Variants in TBC1D22A observed in about 807,000 individuals in gnomAD.
TBC1D22A encodes TBC1 domain family member 22A, also known as putative GTPase activator.
In TBC1D22A, 38 loss-of-function variants were observed where a neutral mutation model predicts 60.2. That is an observed-to-expected ratio of 0.63 (90% CI 0.49 to 0.83). The LOEUF (loss-of-function observed/expected upper bound fraction) is 0.83, where lower values mean the gene tolerates loss of function less well. Among genes scored for constraint, TBC1D22A ranks in the 40% least tolerant of loss-of-function variants. The pLI, the probability that TBC1D22A is intolerant of heterozygous loss-of-function variation, is 0.00. For synonymous variants in TBC1D22A, 302 were observed against 281.7 expected, an observed-to-expected ratio of 1.07 and a Z score of -0.72; for missense variants, 628 against 701.0, an observed-to-expected ratio of 0.90 and a Z score of 1.18.
intron 4 of TBC1D22A, among the ~76,000 whole-genome samples, chr22:46,811,447 T>C (rs967992431): frequency 3.3e-5 from 5 of 152,114 alleles, no homozygotes; most frequent in African/African-American, 1.2e-4. Context: ...GTCTCATGGG[T>C]GTGATTTCCA....
At chr22:46,810,829 A>G (rs2085348351) in intron 4 of TBC1D22A, among the ~76,000 whole-genome samples, 1 of 152,158 alleles carries the variant, frequency 6.6e-6, no homozygotes, top group Admixed American at 6.5e-5. Flanking sequence ...CCCCATGGTG[A>G]TACACTCTTC....
At chr22:47,159,297 C>CATGTATACAT (rs1569477875) in intron 12 of TBC1D22A, among the ~76,000 whole-genome samples, 2 of 131,074 alleles carry the variant, frequency 1.5e-5, no homozygotes, top group African/African-American at 6.5e-5. Flanking sequence ...CTACACACCC[C>CATGTATACAT]ACACACACCA....
chr22:46,857,382 G>C (rs2087623782), intron 4 of TBC1D22A, among the ~76,000 whole-genome samples: 1 of 152,232 alleles, frequency 6.6e-6, no homozygotes, highest in African/African-American at 2.4e-5. Flanking sequence ...CATCATCGCT[G>C]TAGTCCCGCA....
At chr22:46,915,461 C>T (rs370941231) in intron 8 of TBC1D22A, 8 of 456,552 alleles carry the variant, frequency 1.8e-5, no homozygotes, top group Admixed American at 7.0e-5. Context: ...TGGGCCTCAG[C>T]GTTCAGGTTA....
rs535079669 is a variant in TBC1D22A at position 46,777,367 on chromosome 22, G to A, written c.62+14519G>A. Among the ~76,000 whole-genome samples, 213 of 152,282 alleles carry A rather than the reference G, an allele frequency of 1.4e-3. No individual in the cohort carries two copies. The highest frequency in any genetic ancestry group is 2.5e-3 in the South Asian group (12 of 4,820). On this transcript the variant is annotated intron_variant, in intron 1 of 12. Transcript: ENST00000337137. The surrounding 1 kb of genome is among the most constrained non-coding windows in gnomAD (Gnocchi z 4.5). ...ACTGGTAGAGAGTGATGTTGTCCAAGGGTGGGGACCGAAGAGTGGGTGTGA... is the reference window on the plus strand; with the variant it reads ...ACTGGTAGAGAGTGATGTTGTCCAAAGGTGGGGACCGAAGAGTGGGTGTGA...
chr22:46,860,599 G>A (rs546245668), intron 4 of TBC1D22A, among the ~76,000 whole-genome samples: 140 of 147,592 alleles, frequency 9.5e-4, no homozygotes, highest in African/African-American at 3.4e-3. Context: ...CCCGGGACCA[G>A]AATCCTTTTT....
At chr22:47,054,367 C>T (rs1024257992) in intron 11 of TBC1D22A, among the ~76,000 whole-genome samples, 3 of 152,146 alleles carry the variant, frequency 2.0e-5, no homozygotes, top group Non-Finnish European at 4.4e-5. Context: ...TCTTCTGCCT[C>T]GAGGCACCAC....
chr22:46,883,826 C>T (rs779744747), intron 5 of TBC1D22A, among the ~76,000 whole-genome samples: 4 of 152,226 alleles, frequency 2.6e-5, no homozygotes, highest in Admixed American at 2.0e-4. Flanking sequence ...CTAGCCAACC[C>T]GGACACATTT....
At chr22:47,102,815 G>A (rs2065469671) in intron 11 of TBC1D22A, among the ~76,000 whole-genome samples, 1 of 152,150 alleles carries the variant, frequency 6.6e-6, no homozygotes, top group South Asian at 2.1e-4. Context: ...TAAATAAAAG[G>A]CTGTTAAGCA....
At chr22:46,904,034 G>C (rs992819940) in intron 7 of TBC1D22A, among the ~76,000 whole-genome samples, 2 of 151,720 alleles carry the variant, frequency 1.3e-5, no homozygotes, top group Non-Finnish European at 2.9e-5. Context: ...AAAATGATAT[G>C]AAATCTGTCA....
chr22:46,962,168 C>T (rs936141199), intron 8 of TBC1D22A, among the ~76,000 whole-genome samples: 4 of 152,150 alleles, frequency 2.6e-5, no homozygotes, highest in South Asian at 2.1e-4. Context: ...GATCGGTGCT[C>T]GCCACCTCAC....
intron 5 of TBC1D22A, among the ~76,000 whole-genome samples, chr22:46,890,020 C>T (rs1325243619): frequency 6.6e-6 from 1 of 152,184 alleles, no homozygotes; most frequent in African/African-American, 2.4e-5. Flanking sequence ...GGTTTTGCAT[C>T]TGCAGATTCA....
At chr22:46,809,292 G>A (rs1465614639) in intron 4 of TBC1D22A, among the ~76,000 whole-genome samples, 10 of 152,044 alleles carry the variant, frequency 6.6e-5, no homozygotes, top group Non-Finnish European at 1.5e-4. Context: ...GGTGGAGAGC[G>A]AGCGTGCACA....
chr22:47,100,817 G>C (rs1297252056), intron 11 of TBC1D22A, among the ~76,000 whole-genome samples: 1 of 152,166 alleles, frequency 6.6e-6, no homozygotes, highest in Non-Finnish European at 1.5e-5. Flanking sequence ...AAGGGGTGAG[G>C]TGGGCCCCTC....
chr22:46,958,443 C>T (rs1286622117), intron 8 of TBC1D22A, among the ~76,000 whole-genome samples: 10 of 152,140 alleles, frequency 6.6e-5, no homozygotes, highest in Non-Finnish European at 1.3e-4. Context: ...ACAGGGGGCT[C>T]GGCATATGCA....
At chr22:46,904,138 T>TCTGCCTACCTACCTACCTACCTACCTAC (rs1481229542) in intron 7 of TBC1D22A, among the ~76,000 whole-genome samples, 1 of 55,262 alleles carries the variant, frequency 1.8e-5, no homozygotes, top group African/African-American at 6.7e-5. Context: ...TATCTATCTA[T>TCTGCCTACCTACCTACCTACCTACCTAC]CTATCTACCT....
chr22:46,938,322 G>A (rs946263746), intron 8 of TBC1D22A, among the ~76,000 whole-genome samples: 4 of 152,140 alleles, frequency 2.6e-5, no homozygotes, highest in African/African-American at 7.2e-5. Flanking sequence ...ACAGTAACAC[G>A]CTGCACAGGT....
At chr22:46,762,995 G>A in intron 1 of TBC1D22A, 147 bp downstream of exon 1, 5 of 691,498 alleles carry the variant, frequency 7.2e-6, no homozygotes, top group Non-Finnish European at 1.1e-5. Flanking sequence ...CGGGCGTTGG[G>A]GGGCTCGGAG....
rs1039809712 is a variant in TBC1D22A at position 46,990,111 on chromosome 22, G to A, written c.1126-7523G>A. ...GCGCCACCGCGCCCGGCCGCAAAAT[G>A]TAAGTTTTATTTAAAATGAACTCTT... On this transcript the variant is annotated intron_variant, in intron 9 of 12. Coordinates refer to ENST00000337137, the MANE Select transcript of TBC1D22A (RefSeq NM_014346.5). The surrounding 1 kb of genome is among the most constrained non-coding windows in gnomAD (Gnocchi z 4.6). Among the ~76,000 whole-genome samples the A allele has an allele frequency of 1.3e-5, 2 of 152,210 alleles. No individual in the cohort carries two copies. Among genetic ancestry groups the A allele is most frequent in the African/African-American group, 2.4e-5 (1 of 41,454 alleles).
Sources: allele counts gnomAD v4.1 joint callset (sites outside exome capture counted in the v4.1 genomes callset), GRCh38; gene constraint gnomAD v4.1.1; non-coding constraint Gnocchi (gnomAD v3.1); transcripts MANE v1.5; gene names NCBI Gene and HGNC (gene_info 2026-07-23, HGNC 2026-07-21).